Variants in PIP4K2B observed in about 807,000 individuals in gnomAD.
PIP4K2B encodes the protein phosphatidylinositol-5-phosphate 4-kinase type 2 beta.
A neutral mutation model predicts 42.0 loss-of-function variants in PIP4K2B; 3 were observed. The ratio of observed to expected loss-of-function variants is 0.07; its 90% CI spans 0.03 to 0.18. The LOEUF (loss-of-function observed/expected upper bound fraction) is 0.18, where lower values mean the gene tolerates loss of function less well. Ranked by LOEUF, PIP4K2B falls within the 10% of genes least tolerant of loss-of-function variation. PIP4K2B has a pLI of 1.00. For missense variants in PIP4K2B, 332 were observed against 562.3 expected (o/e 0.59, Z 4.14); for synonymous variants, 204 against 210.1 (o/e 0.97, Z 0.25).
chr17:38,781,131 G>A (rs1225039378), intron 3 of PIP4K2B, among the ~76,000 whole-genome samples: 3 of 152,078 alleles, frequency 2.0e-5, no homozygotes, highest in African/African-American at 7.2e-5. Flanking sequence ...CTTGTCCCTG[G>A]ATCTACCCTA....
chr17:38,799,149 G>T lies in PIP4K2B; in HGVS notation c.159+117C>A. The T allele has an allele frequency of 1.8e-6, 2 of 1,119,038 alleles. No homozygotes were observed. Among genetic ancestry groups the T allele is most frequent in the South Asian group, 1.8e-5 (1 of 57,118 alleles). The allele number at this position is 1,119,038 out of a possible 1,614,324, so 69.3% of individuals were successfully genotyped here. The stretch of plus-strand genomic sequence containing the variant: ...GCAAGGGTGGGGTGGGCGTGCAAGT[G>T]GCTTGGCGAGGGGTGGCAGGCGTCA... On this transcript the variant is annotated intron_variant, in intron 1 of 9. Transcript: ENST00000619039. The surrounding 1 kb of genome is among the most constrained non-coding windows in gnomAD (Gnocchi z 4.4).
intron 7 of PIP4K2B, among the ~76,000 whole-genome samples, chr17:38,777,303 G>A (rs954430082): frequency 6.6e-6 from 1 of 152,048 alleles, no homozygotes; most frequent in South Asian, 2.1e-4. Flanking sequence ...GAGCTCAAGC[G>A]ATCCTCCCAC....
rs1022925120 is a variant in PIP4K2B, at chr17:38,771,051, G to A, written c.1029C>T (p.Asp343=). Residue 343 remains aspartate, a synonymous_variant, in exon 8 of 10, where the codon GAC becomes GAT. Transcript: ENST00000619039. ...FPRFFGPGEF[D]PSVDVYAMKS... ...TCATGGCATAGACGTCAACAGAGGG[G>A]TCGAATTCCCCAGGACCAAAGAACC... The A allele has an allele frequency of 6.2e-7, 1 of 1,614,158 alleles. No homozygotes were observed. The highest frequency in any genetic ancestry group is 2.2e-5 in the East Asian group (1 of 44,884).
intron 7 of PIP4K2B, among the ~76,000 whole-genome samples, chr17:38,773,343 C>T (rs1264936166): frequency 1.3e-5 from 2 of 152,154 alleles, no homozygotes; most frequent in Non-Finnish European, 2.9e-5. Flanking sequence ...TCAACCCATT[C>T]CCTGAAGGTC....
intron 2 of PIP4K2B, among the ~76,000 whole-genome samples, chr17:38,785,601 C>T (rs1346204439): frequency 6.6e-6 from 1 of 152,186 alleles, no homozygotes; most frequent in Non-Finnish European, 1.5e-5. Context: ...ATCACTTGAA[C>T]CCGGGAGGCA....
chr17:38,793,875 AAAAC>A (rs1379184016), intron 1 of PIP4K2B, among the ~76,000 whole-genome samples: 2 of 149,280 alleles, frequency 1.3e-5, no homozygotes, highest in South Asian at 2.1e-4. Flanking sequence ...CTGCCTCAAA[AAAAC>A]AAACAAAAAA....
chr17:38,797,549 G>A (rs541731192), intron 1 of PIP4K2B, among the ~76,000 whole-genome samples: 17 of 152,266 alleles, frequency 1.1e-4, no homozygotes, highest in African/African-American at 4.1e-4. Context: ...GTAACCACAG[G>A]CAAGCTAATC....
intron 1 of PIP4K2B, among the ~76,000 whole-genome samples, chr17:38,789,305 C>T (rs1910216894): frequency 6.6e-6 from 1 of 152,208 alleles, no homozygotes; most frequent in Admixed American, 6.5e-5. Context: ...GAGGGCAGAT[C>T]CTGCCCTTCC....
chr17:38,783,157 T>C lies in PIP4K2B; in HGVS notation c.354+1086A>G, dbSNP rs1238135542. Among the ~76,000 whole-genome samples the C allele has an allele frequency of 2.4e-5, 3 of 124,822 alleles. No homozygotes were observed. The Admixed American group carries it at 3.4e-4, about 14-fold the overall frequency. The allele number at this position is 124,822 out of a possible 152,430, so 81.9% of individuals were successfully genotyped here. On this transcript the variant is annotated intron_variant, in intron 3 of 9. Coordinates refer to ENST00000619039, the MANE Select transcript of PIP4K2B (RefSeq NM_003559.5). ...TTGCAGTGAGCCGAGATCGCGCCAT[T>C]GCACTCCAGCCTGGATGACAGGAGT...
rs940679437 is a variant in PIP4K2B at position 38,769,837 on chromosome 17, G to C, written c.1171-66C>G. The C allele has an allele frequency of 2.1e-6, 3 of 1,431,378 alleles. No individual in the cohort carries two copies. The South Asian group carries it at 3.4e-5, about 16-fold the overall frequency. The allele number at this position is 1,431,378 out of a possible 1,614,324, so 88.7% of individuals were successfully genotyped here. On this transcript the variant is annotated intron_variant, in intron 9 of 9. Coordinates refer to ENST00000619039, the MANE Select transcript of PIP4K2B (RefSeq NM_003559.5). ...CCCCAATCAGGAGGCTGCACATGGG[G>C]GGAGCCAGGGTATTCAGAAGCCTCT... is the stretch of plus-strand genomic sequence containing the variant.
chr17:38,773,727 G>A (rs552328857), intron 7 of PIP4K2B, among the ~76,000 whole-genome samples: 1 of 152,206 alleles, frequency 6.6e-6, no homozygotes, highest in South Asian at 2.1e-4. Context: ...GAGCCCAGCA[G>A]GATCTCCTTG....
At chr17:38,785,042 G>A (rs12942376) in intron 2 of PIP4K2B, among the ~76,000 whole-genome samples, 1 of 152,184 alleles carries the variant, frequency 6.6e-6, no homozygotes, top group East Asian at 1.9e-4. Flanking sequence ...CTGGGACGTA[G>A]GAAAAGAGTG....
chr17:38,779,305 C>A, intron 5 of PIP4K2B, 78 bp downstream of exon 5: 1 of 1,387,732 alleles, frequency 7.2e-7, no homozygotes, highest in Non-Finnish European at 1.0e-6. Context: ...TTCCCAATTA[C>A]ATGGAAGTTG....
chr17:38,770,670 C>T (rs1377328067), intron 8 of PIP4K2B, 131 bp from the exon 9 acceptor site: 1 of 673,984 alleles, frequency 1.5e-6, no homozygotes, highest in Non-Finnish European at 2.7e-6. Context: ...GAGAAAAGGA[C>T]CAGTGGAGTC....
At chr17:38,791,988 C>T (rs62076866) in intron 1 of PIP4K2B, among the ~76,000 whole-genome samples, 2,448 of 151,506 alleles carry the variant, frequency 0.016, 32 homozygotes, top group Middle Eastern at 0.034. Context: ...CCCAGCTACT[C>T]GGGAGGCTGA....
intron 6 of PIP4K2B, 97 bp downstream of exon 6, chr17:38,778,237 C>G: frequency 9.5e-7 from 1 of 1,056,042 alleles, no homozygotes; most frequent in South Asian, 1.2e-5. Context: ...TGTCTGGGAG[C>G]TGGGCTAGGG....
In PIP4K2B at chr17:38,776,084, C is replaced by T. The variant is rs377117245; in HGVS notation, c.807+1603G>A. On this transcript the variant is annotated intron_variant, in intron 7 of 9. Transcript: ENST00000619039. ...CTCCTGGGTTCAAGCGATTCTCTTG[C>T]CTCAGCCTCCCAAGTAGCTGGGATT... is the stretch of plus-strand genomic sequence containing the variant. 2.5e-5 allele frequency: 11 copies of T among 439,072 alleles called. No individual in the cohort carries two copies. In the East Asian group the frequency reaches 5.4e-4, roughly 21 times the overall value. The allele number at this position is 439,072 out of a possible 1,614,324, so 27.2% of individuals were successfully genotyped here.
intron 5 of PIP4K2B, 35 bp downstream of exon 5, chr17:38,779,348 G>A (rs765776587): frequency 6.3e-7 from 1 of 1,585,860 alleles, no homozygotes; most frequent in South Asian, 1.1e-5. Flanking sequence ...CAGATAGAGG[G>A]GAGGCACAGC....
intron 1 of PIP4K2B, among the ~76,000 whole-genome samples, chr17:38,791,756 G>C (rs191462349): frequency 1.3e-5 from 2 of 150,006 alleles, no homozygotes; most frequent in African/African-American, 4.9e-5. Flanking sequence ...TGTATTAAGG[G>C]CCTTACTATA....
Sources: allele counts gnomAD v4.1 joint callset (sites outside exome capture counted in the v4.1 genomes callset), GRCh38; gene constraint gnomAD v4.1.1; non-coding constraint Gnocchi (gnomAD v3.1); transcripts MANE v1.5; gene names NCBI Gene and HGNC (gene_info 2026-07-23, HGNC 2026-07-21).